FAM177A1: variants seen among roughly 807,000 people sequenced by gnomAD.
FAM177A1 encodes the protein family with sequence similarity 177 member A1, also known as protein FAM177A1.
In FAM177A1, 22 loss-of-function variants were observed where a neutral mutation model predicts 26.1. That is an observed-to-expected ratio of 0.84 (90% confidence interval 0.60 to 1.20). The LOEUF is 1.20. FAM177A1 is among the 50% of genes most tolerant of loss of function. FAM177A1 has a pLI of 0.00. For missense variants in FAM177A1, 296 were observed against 291.1 expected (o/e 1.02, Z -0.12); for synonymous variants, 95 against 99.3 (o/e 0.96, Z 0.26).
At position 35,053,398 on chromosome 14, in the gene FAM177A1, G is replaced by A; in HGVS notation, c.286G>A (p.Glu96Lys). 1 of 1,614,122 alleles carries A rather than the reference G, an allele frequency of 6.2e-7. No individual in the cohort carries two copies. Among genetic ancestry groups the A allele is most frequent in the Non-Finnish European group, 8.5e-7 (1 of 1,180,024 alleles). The change falls in exon 2 of 5, where the codon GAA becomes AAA. Residue 96 changes from glutamate to lysine, a missense_variant. Physicochemically the swap from Glu to Lys is moderately conservative, Grantham distance 56 (BLOSUM62 1). Transcript: ENST00000280987. ...AACAATGGAAGAATATAGCACAGAT[G>A]AAGACGAAGTTGATGGCCTGGAGAA... Reference protein sequence around the residue: ...GETMEEYSTDEDEVDGLEKKD... With the variant: ...GETMEEYSTDKDEVDGLEKKD...
intron 2 of FAM177A1, among the ~76,000 whole-genome samples, chr14:35,074,514 C>T (rs559356751): frequency 2.6e-5 from 4 of 151,670 alleles, no homozygotes; most frequent in East Asian, 2.0e-4. Flanking sequence ...TGAGTAGAGA[C>T]GGGGTTTCTC....
chr14:35,070,260 G>A (rs1037646224), intron 2 of FAM177A1, among the ~76,000 whole-genome samples: 6 of 150,594 alleles, frequency 4.0e-5, no homozygotes, highest in African/African-American at 1.2e-4. Context: ...TCCTGACCTC[G>A]TGATCCACCC....
chr14:35,059,153 C>A (rs1433744085), intron 2 of FAM177A1, among the ~76,000 whole-genome samples: 1 of 152,076 alleles, frequency 6.6e-6, no homozygotes, highest in Non-Finnish European at 1.5e-5. Flanking sequence ...TCTCAATCTC[C>A]TGACCTTGTG....
intron 2 of FAM177A1, among the ~76,000 whole-genome samples, chr14:35,056,869 C>A (rs1316533231): frequency 6.6e-6 from 1 of 152,086 alleles, no homozygotes; most frequent in Non-Finnish European, 1.5e-5. Context: ...AGTAGTATTT[C>A]ATTATGATTC....
At chr14:35,050,079 T>C (rs2044939332) in intron 1 of FAM177A1, 1 of 152,274 alleles carries the variant, frequency 6.6e-6, no homozygotes, top group South Asian at 2.1e-4. Context: ...CGATCTCGGC[T>C]CGCTGCAACC....
intron 2 of FAM177A1, among the ~76,000 whole-genome samples, chr14:35,061,498 CTATT>C (rs1314300515): frequency 3.1e-5 from 4 of 130,332 alleles, no homozygotes; most frequent in African/African-American, 8.6e-5. Flanking sequence ...TTACAAATGT[CTATT>C]TGTTTTTTTC....
rs1338390176 is a variant in FAM177A1, at chr14:35,046,962, C to A, written c.165+334C>A. On this transcript the variant is annotated intron_variant, in intron 1 of 4. Transcript: ENST00000280987. ...GCAGTAGCTGGAAGCCAGGTGAGGG[C>A]GGCTTCAACCACTTCTCAGTCTCTT... The A allele has an allele frequency of 1.1e-5, 12 of 1,098,128 alleles. No individual in the cohort carries two copies. In the East Asian group the frequency reaches 2.6e-4, roughly 23 times the overall value. 68.0% of individuals were successfully genotyped at this position (1,098,128 alleles called of 1,614,324 possible). A position where few individuals can be genotyped will look rare whatever the true frequency, so the allele number is the denominator to read the frequency against.
intron 2 of FAM177A1, among the ~76,000 whole-genome samples, chr14:35,072,062 G>T (rs1055466247): frequency 6.6e-6 from 1 of 152,140 alleles, no homozygotes; most frequent in Non-Finnish European, 1.5e-5. Context: ...AGATCACAAG[G>T]TCAGGAGTTT....
Position 35,046,397 on chromosome 14 carries a change from C to A in FAM177A1, c.-67C>A, listed in dbSNP as rs2044862280. The A allele has an allele frequency of 8.0e-7, 1 of 1,257,050 alleles. No individual in the cohort carries two copies. Among genetic ancestry groups the A allele is most frequent in the South Asian group, 1.6e-5 (1 of 61,350 alleles). The allele number at this position is 1,257,050 out of a possible 1,614,324, so 77.9% of individuals were successfully genotyped here. ...TTGGCTAGGCGCGGCGCGAGGCGGG[C>A]GCTGGGCGGGTGAGTCCCACTTCCC... On this transcript the variant is annotated 5_prime_UTR_variant, in exon 1 of 5. Coordinates refer to ENST00000280987, the MANE Select transcript of FAM177A1 (RefSeq NM_173607.5).
At chr14:35,066,163 C>G (rs2045238099) in intron 2 of FAM177A1, among the ~76,000 whole-genome samples, 1 of 151,492 alleles carries the variant, frequency 6.6e-6, no homozygotes, top group African/African-American at 2.4e-5. Context: ...ACCTCCTGGG[C>G]TCAAACGATC....
chr14:35,057,470 C>T lies in FAM177A1; in HGVS notation c.339+4019C>T, dbSNP rs2045079543. 2.6e-5 allele frequency among the ~76,000 whole-genome samples: 4 copies of T among 152,088 alleles called. No homozygotes were observed. The South Asian group carries it at 8.3e-4, about 32-fold the overall frequency. Reference sequence around the variant, plus strand: ...TCTTGGCTCACTGCAACCTCTGCCTCCTGGATTCAAGCAGTTCTCCTGCCT... The same window carrying T: ...TCTTGGCTCACTGCAACCTCTGCCTTCTGGATTCAAGCAGTTCTCCTGCCT... On this transcript the variant is annotated intron_variant, in intron 2 of 4. Coordinates refer to ENST00000280987, the MANE Select transcript of FAM177A1 (RefSeq NM_173607.5).
rs1030836935 is a variant in FAM177A1 at position 35,081,988 on chromosome 14, G to A, written c.*760G>A. On this transcript the variant is annotated 3_prime_UTR_variant, in exon 5 of 5. Transcript: ENST00000280987. Reference sequence around the variant, plus strand: ...TTCAGCGTTAATCCTATAGAAAAGTGGTTTGGAGGGGATTGGGGGATAGTG... The same window carrying A: ...TTCAGCGTTAATCCTATAGAAAAGTAGTTTGGAGGGGATTGGGGGATAGTG... 5 of 152,160 alleles carry A rather than the reference G, an allele frequency of 3.3e-5. No individual in the cohort carries two copies. The highest frequency in any genetic ancestry group is 5.9e-5 in the Non-Finnish European group (4 of 68,044). 9.4% of individuals were successfully genotyped at this position (152,160 alleles called of 1,614,324 possible).
chr14:35,058,255 G>A (rs536418591), intron 2 of FAM177A1, among the ~76,000 whole-genome samples: 3 of 151,848 alleles, frequency 2.0e-5, no homozygotes, highest in South Asian at 4.2e-4. Flanking sequence ...TAGTAGAGAC[G>A]GGGTTTCACC....
At chr14:35,066,796 C>G (rs2045247759) in intron 2 of FAM177A1, among the ~76,000 whole-genome samples, 1 of 146,774 alleles carries the variant, frequency 6.8e-6, no homozygotes, top group Non-Finnish European at 1.5e-5. Flanking sequence ...GCTTTTGAAT[C>G]TTGAATCTTT....
At chr14:35,069,484 C>T (rs1371289785) in intron 2 of FAM177A1, among the ~76,000 whole-genome samples, 9 of 152,000 alleles carry the variant, frequency 5.9e-5, no homozygotes, top group African/African-American at 1.2e-4. Flanking sequence ...GGGGTTTTGC[C>T]ATGTTGGTCA....
intron 2 of FAM177A1, among the ~76,000 whole-genome samples, chr14:35,060,937 TACA>T (rs1449315717): frequency 6.6e-6 from 1 of 152,184 alleles, no homozygotes; most frequent in African/African-American, 2.4e-5. Context: ...GTGCATACAG[TACA>T]ACATGATATT....
intron 1 of FAM177A1, 63 bp from the exon 2 acceptor site, chr14:35,053,215 A>G: frequency 6.8e-7 from 1 of 1,469,828 alleles, no homozygotes. Flanking sequence ...AAAGTTTTTC[A>G]CGTGTAATGA....
Position 35,077,147 on chromosome 14 carries a change from C to T in FAM177A1, c.340-3C>T, listed in dbSNP as rs1354210097. Reference sequence around the variant, plus strand: ...ATGTTGCTAACATGATTTCTTGTTGCAGACAAAACTTACCTGGGGTCCCTA... The same window carrying T: ...ATGTTGCTAACATGATTTCTTGTTGTAGACAAAACTTACCTGGGGTCCCTA... On this transcript the variant is annotated splice_polypyrimidine_tract_variant and splice_region_variant and intron_variant, in intron 2 of 4. Coordinates refer to ENST00000280987, the MANE Select transcript of FAM177A1 (RefSeq NM_173607.5). The T allele has an allele frequency of 6.2e-7, 1 of 1,612,228 alleles. No individual in the cohort carries two copies. Among genetic ancestry groups the T allele is most frequent in the Admixed American group, 1.7e-5 (1 of 59,990 alleles).
chr14:35,048,426 T>C (rs1012458053), intron 1 of FAM177A1, among the ~76,000 whole-genome samples: 1 of 152,108 alleles, frequency 6.6e-6, no homozygotes, highest in African/African-American at 2.4e-5. Flanking sequence ...TAAAGAAGGC[T>C]GTAGAACAAA....
Sources: gnomAD v4.1 joint callset for allele counts (sites outside exome capture counted in the v4.1 genomes callset) on GRCh38, gnomAD v4.1.1 for gene constraint, MANE v1.5 for transcripts, NCBI Gene and HGNC (gene_info 2026-07-23, HGNC 2026-07-21) for gene names.